NDUFAF6: variants seen among roughly 807,000 people sequenced by gnomAD.
NDUFAF6 encodes NADH dehydrogenase (ubiquinone) complex I, assembly factor 6.
A neutral mutation model predicts 40.8 loss-of-function variants in NDUFAF6; 45 were observed. The observed-to-expected ratio is 1.10, with a 90% CI of 0.87 to 1.42. NDUFAF6 has a LOEUF of 1.42. NDUFAF6 is among the 40% of genes most tolerant of loss of function. NDUFAF6 has a pLI of 0.00. For missense variants in NDUFAF6, 435 were observed against 418.5 expected (o/e 1.04, Z -0.34); for synonymous variants, 185 against 155.9 (o/e 1.19, Z -1.39).
downstream of NDUFAF6, among the ~76,000 whole-genome samples, chr8:95,079,341 A>T (rs923254415): frequency 6.6e-6 from 1 of 152,222 alleles, no homozygotes; most frequent in Admixed American, 6.5e-5. Flanking sequence ...ATTTTGTAAA[A>T]TTTGCAATAC....
intron 5 of NDUFAF6, among the ~76,000 whole-genome samples, chr8:95,046,186 G>C (rs1830747084): frequency 6.6e-6 from 1 of 151,926 alleles, no homozygotes; most frequent in South Asian, 2.1e-4. Context: ...TCAGCCTCCT[G>C]AGTAGCTGGG....
At chr8:95,052,150 G>A (rs1831507336) in intron 7 of NDUFAF6, 24 bp from the exon 8 acceptor site, 1 of 1,613,260 alleles carries the variant, frequency 6.2e-7, no homozygotes, top group Admixed American at 1.7e-5. Context: ...TTTTGAACGA[G>A]CTTCCTCTCC....
rs113460981 is a variant in NDUFAF6 at position 94,993,274 on chromosome 8, C to G, written c.-84+12301C>G. ...CTAATTACCTCTTCAAAGACCTTGT[C>G]TCCAAATACAGTCACATCCAGAGGC... On this transcript the variant is annotated intron_variant, in intron 2 of 9. Transcript: ENST00000396111. Among the ~76,000 whole-genome samples the G allele has an allele frequency of 5.8e-3, 888 of 152,310 alleles. 12 individuals are homozygous for G. The highest frequency in any genetic ancestry group is 0.034 in the Middle Eastern group (10 of 294).
chr8:94,928,467 A>C (rs1298114065), intron 1 of NDUFAF6: 1 of 152,540 alleles, frequency 6.6e-6, no homozygotes, highest in East Asian at 1.9e-4. Flanking sequence ...ACACACCTTC[A>C]TGGAAACTAT....
intron 2 of NDUFAF6, among the ~76,000 whole-genome samples, chr8:95,091,064 ATCC>A (rs763966875): frequency 2.1e-5 from 3 of 141,316 alleles, no homozygotes; most frequent in Non-Finnish European, 3.2e-5. Flanking sequence ...ATATATATAT[ATCC>A]TATATATCCT....
At chr8:94,989,292 T>G (rs999997220) in intron 2 of NDUFAF6, 9 of 152,224 alleles carry the variant, frequency 5.9e-5, no homozygotes, top group African/African-American at 2.2e-4. Context: ...ATTTTTAAAC[T>G]TAATTATTTC....
intron 1 of NDUFAF6, among the ~76,000 whole-genome samples, chr8:94,923,730 A>AG (rs1819659009): frequency 6.9e-6 from 1 of 144,290 alleles, no homozygotes; most frequent in Non-Finnish European, 1.5e-5. Context: ...CCCAGTCTGG[A>AG]GTGCAGTGAG....
chr8:95,051,252 T>A (rs1277177857), intron 7 of NDUFAF6, among the ~76,000 whole-genome samples: 1 of 152,000 alleles, frequency 6.6e-6, no homozygotes, highest in Non-Finnish European at 1.5e-5. Context: ...GAAAGGGCCA[T>A]TTATTAGGAG....
intron 1 of NDUFAF6, among the ~76,000 whole-genome samples, chr8:94,911,382 G>A (rs1325631804): frequency 6.6e-6 from 1 of 152,174 alleles, no homozygotes; most frequent in Non-Finnish European, 1.5e-5. Context: ...GGAAGTATAC[G>A]AAGCTTGTAA....
intron 1 of NDUFAF6, among the ~76,000 whole-genome samples, chr8:94,943,953 G>T (rs893165699): frequency 1.5e-4 from 23 of 152,172 alleles, no homozygotes; most frequent in African/African-American, 5.1e-4. Flanking sequence ...AGTGTAGTTT[G>T]TTTGACCTGC....
chr8:95,048,556 C>T lies in NDUFAF6; in HGVS notation c.814C>T (p.His272Tyr). The part of the protein sequence containing the change: ...IASQAHLHLK[H>Y]ARSFHKTVPV... ...CAGTCAAGCACACTTGCACCTAAAG[C>T]ATGTAAGTCGGCTTTTTTTTGCCAA... Residue 272 changes from histidine (H) to tyrosine (Y), a missense_variant and splice_region_variant, in exon 7 of 9, where the codon CAT (histidine) becomes TAT (tyrosine). His to Tyr is a moderately conservative substitution (Grantham distance 83). Coordinates refer to ENST00000396124, the MANE Select transcript of NDUFAF6 (RefSeq NM_152416.4). The T allele has an allele frequency of 6.2e-7, 1 of 1,612,692 alleles. No individual in the cohort carries two copies. Among genetic ancestry groups the T allele is most frequent in the South Asian group, 1.1e-5 (1 of 91,062 alleles).
chr8:95,026,396 A>T (rs530723628), intron 1 of NDUFAF6, among the ~76,000 whole-genome samples: 133 of 152,260 alleles, frequency 8.7e-4, no homozygotes, highest in African/African-American at 2.4e-3. Flanking sequence ...TCAGCCTGGG[A>T]GGTGGAGGTT....
chr8:95,088,686 GTT>G (rs1491160718), intron 2 of NDUFAF6, among the ~76,000 whole-genome samples: 15 of 129,524 alleles, frequency 1.2e-4, no homozygotes, highest in African/African-American at 2.8e-4. Flanking sequence ...CTTTTTTGGG[GTT>G]TTGTGTGTGT....
At chr8:94,986,095 G>A (rs565539112) in intron 2 of NDUFAF6, among the ~76,000 whole-genome samples, 14 of 151,802 alleles carry the variant, frequency 9.2e-5, no homozygotes, top group African/African-American at 2.9e-4. Context: ...GGATGGTCTC[G>A]ATCTCCTGAC....
chr8:95,027,762 C>T (rs1471396719), intron 1 of NDUFAF6, among the ~76,000 whole-genome samples: 2 of 152,126 alleles, frequency 1.3e-5, no homozygotes, highest in Non-Finnish European at 2.9e-5. Flanking sequence ...TTTCTGGCTT[C>T]TAATTGTCCA....
intron 4 of NDUFAF6, among the ~76,000 whole-genome samples, chr8:95,112,873 G>A (rs148628930): frequency 6.6e-6 from 1 of 152,338 alleles, no homozygotes; most frequent in East Asian, 1.9e-4. Context: ...CAACCAGGAT[G>A]CCCCATGGGC....
chr8:95,074,188 A>T (rs1832961471), intron 9 of NDUFAF6, among the ~76,000 whole-genome samples: 1 of 152,144 alleles, frequency 6.6e-6, no homozygotes, highest in African/African-American at 2.4e-5. Flanking sequence ...GTATATTTTT[A>T]AAATTCTCTA....
Position 95,017,556 on chromosome 8 carries a change from T to C in NDUFAF6, c.-83-14439T>C, listed in dbSNP as rs116895078. On this transcript the variant is annotated intron_variant, in intron 2 of 9. Coordinates refer to the NDUFAF6 transcript ENST00000396111. Reference sequence around the variant, plus strand: ...AGGCAAATGTATTTTGCCATAAATTTCCACAGACTTTCTACCAACCCTTAG... The same window carrying C: ...AGGCAAATGTATTTTGCCATAAATTCCCACAGACTTTCTACCAACCCTTAG... 3.1e-3 allele frequency among the ~76,000 whole-genome samples: 478 copies of C among 152,322 alleles called. 4 individuals are homozygous for C. Among genetic ancestry groups the C allele is most frequent in the Middle Eastern group, 6.8e-3 (2 of 294 alleles).
At chr8:95,049,893 T>TA (rs1442017560) in intron 7 of NDUFAF6, among the ~76,000 whole-genome samples, 2 of 152,230 alleles carry the variant, frequency 1.3e-5, no homozygotes, top group African/African-American at 4.8e-5. Context: ...GCATCTAAAG[T>TA]ACCTGGTACA....
Sources: gnomAD v4.1 joint callset for allele counts (sites outside exome capture counted in the v4.1 genomes callset) on GRCh38, gnomAD v4.1.1 for gene constraint, MANE v1.5 for transcripts, NCBI Gene and HGNC (gene_info 2026-07-23, HGNC 2026-07-21) for gene names.